The following OSMR variants were observed in gnomAD, a reference collection of about 807,000 sequenced individuals.
OSMR encodes oncostatin M receptor.
OSMR carries 81 observed loss-of-function variants against 99.9 expected under a neutral mutation model. The ratio of observed to expected loss-of-function variants is 0.81; its 90% CI spans 0.68 to 0.97. The LOEUF (loss-of-function observed/expected upper bound fraction) is 0.97, where lower values mean the gene tolerates loss of function less well. OSMR is among the 50% of genes least tolerant of loss of function. The pLI, the probability that OSMR is intolerant of heterozygous loss-of-function variation, is 0.00. For synonymous variants in OSMR, 406 were observed against 410.4 expected, an observed-to-expected ratio of 0.99 and a Z score of 0.13; for missense variants, 1,099 against 1,153.4, an observed-to-expected ratio of 0.95 and a Z score of 0.68.
chr5:38,863,337 G>A (rs1051684200), intron 1 of OSMR, among the ~76,000 whole-genome samples: 5 of 151,900 alleles, frequency 3.3e-5, no homozygotes, highest in African/African-American at 1.2e-4. Context: ...TCAAGAGATC[G>A]AGACCATGCT....
chr5:38,913,562 A>AT (rs1349415217), intron 9 of OSMR, among the ~76,000 whole-genome samples: 15 of 151,556 alleles, frequency 9.9e-5, no homozygotes, highest in Admixed American at 3.9e-4. Context: ...AAAAAAAAAA[A>AT]AAAATGGGTG....
intron 2 of OSMR, among the ~76,000 whole-genome samples, chr5:38,872,641 A>C (rs1412881342): frequency 7.6e-6 from 1 of 132,284 alleles, no homozygotes; most frequent in African/African-American, 2.5e-5. Flanking sequence ...AAACTAATAC[A>C]TGTTTCTGAA....
At chr5:38,918,035 A>G (rs563886216) in intron 10 of OSMR, among the ~76,000 whole-genome samples, 10 of 152,270 alleles carry the variant, frequency 6.6e-5, no homozygotes, top group African/African-American at 2.2e-4. Context: ...ATACACCTTC[A>G]TGACAACCTG....
chr5:38,859,969 G>A (rs1741148182), intron 1 of OSMR, among the ~76,000 whole-genome samples: 1 of 152,118 alleles, frequency 6.6e-6, no homozygotes, highest in Admixed American at 6.5e-5. Flanking sequence ...TCAGTTCTAA[G>A]AAGTTTTTGT....
chr5:38,922,349 G>A (rs1307295901), intron 12 of OSMR, among the ~76,000 whole-genome samples: 1 of 152,166 alleles, frequency 6.6e-6, no homozygotes, highest in Admixed American at 6.5e-5. Flanking sequence ...CCTGTTCAGA[G>A]GGTGATCAAG....
At position 38,904,350 on chromosome 5, in the gene OSMR, C is replaced by A. The variant is rs1315794035; in HGVS notation, c.1135-3C>A. 2 of 1,613,690 alleles carry A rather than the reference C, an allele frequency of 1.2e-6. No homozygotes were observed. The highest frequency in any genetic ancestry group is 2.2e-5 in the South Asian group (2 of 91,038). On this transcript the variant is annotated splice_polypyrimidine_tract_variant and splice_region_variant and intron_variant, in intron 8 of 17. Transcript: ENST00000274276. ...TCTTTTCTTCTCTTTTTTGATCAAGCAGTACAATGTTTCCATCAAGGTGAA... is the reference window on the plus strand; with the variant it reads ...TCTTTTCTTCTCTTTTTTGATCAAGAAGTACAATGTTTCCATCAAGGTGAA...
In OSMR at chr5:38,876,138, T is replaced by C. The variant is rs1742806496; in HGVS notation, c.74-63T>C. 6 of 1,586,458 alleles carry C rather than the reference T, an allele frequency of 3.8e-6. No individual in the cohort carries two copies. In the Admixed American group the frequency reaches 6.8e-5, roughly 18 times the overall value. On this transcript the variant is annotated intron_variant, in intron 2 of 17. Coordinates refer to ENST00000274276, the MANE Select transcript of OSMR (RefSeq NM_003999.3). Reference sequence around the variant, plus strand: ...TAATGATGATATTCAAGTTTAATTATTTCTGACTCTTCAATCATGCTCCTA... The same window carrying C: ...TAATGATGATATTCAAGTTTAATTACTTCTGACTCTTCAATCATGCTCCTA...
At chr5:38,852,444 C>T (rs1740452375) in intron 1 of OSMR, among the ~76,000 whole-genome samples, 1 of 152,154 alleles carries the variant, frequency 6.6e-6, no homozygotes, top group Non-Finnish European at 1.5e-5. Context: ...TTTCTGTAAA[C>T]TCTTACCAAT....
intron 3 of OSMR, 138 bp from the exon 4 acceptor site, chr5:38,881,455 T>C (rs1378368913): frequency 1.9e-6 from 3 of 1,559,096 alleles, no homozygotes; most frequent in African/African-American, 2.7e-5. Flanking sequence ...GGGAATTGAC[T>C]AGCAGAAGTG....
intron 1 of OSMR, among the ~76,000 whole-genome samples, chr5:38,852,516 T>TACACAC (rs936192423): frequency 6.6e-6 from 1 of 151,708 alleles, no homozygotes; most frequent in African/African-American, 2.4e-5. Flanking sequence ...TACACAGACA[T>TACACAC]ACACACACAC....
At chr5:38,921,964 C>T (rs1448721062) in intron 12 of OSMR, among the ~76,000 whole-genome samples, 170 bp downstream of exon 12, 2 of 152,186 alleles carry the variant, frequency 1.3e-5, no homozygotes, top group African/African-American at 4.8e-5. Context: ...TGTTCTAAAA[C>T]TTGACCTTTA....
intron 12 of OSMR, 21 bp from the exon 13 acceptor site, chr5:38,923,129 C>A (rs1483701786): frequency 6.2e-7 from 1 of 1,612,010 alleles, no homozygotes; most frequent in Admixed American, 1.7e-5. Context: ...TATTAAAAAT[C>A]TGTTGACTTT....
At chr5:38,921,883 C>G (rs1579797602) in intron 12 of OSMR, 89 bp downstream of exon 12, 1 of 1,098,130 alleles carries the variant, frequency 9.1e-7, no homozygotes, top group Non-Finnish European at 1.4e-6. Context: ...CAGACTTTGA[C>G]TGTGCTAAGC....
At position 38,935,619 on chromosome 5, in the gene OSMR, T is replaced by C. The variant is rs1746981583; in HGVS notation, c.*2175T>C. 1 of 152,234 alleles carries C rather than the reference T, an allele frequency of 6.6e-6. No individual in the cohort carries two copies. The highest frequency in any genetic ancestry group is 2.1e-4 in the South Asian group (1 of 4,832). The allele number at this position is 152,234 out of a possible 1,614,324, so 9.4% of individuals were successfully genotyped here. A position where few individuals can be genotyped will look rare whatever the true frequency, so the allele number is the denominator to read the frequency against. The stretch of plus-strand genomic sequence containing the variant: ...GTCATTTTTGCTATTGAAATAAACC[T>C]TAATTAAAATATTTCATCATCACAT... On this transcript the variant is annotated 3_prime_UTR_variant, in exon 18 of 18. Transcript: ENST00000274276.
At chr5:38,893,468 A>G (rs1481864052) in intron 7 of OSMR, among the ~76,000 whole-genome samples, 1 of 152,216 alleles carries the variant, frequency 6.6e-6, no homozygotes, top group Admixed American at 6.5e-5. Context: ...AAAAAAGAGA[A>G]ACATCTTGAA....
At chr5:38,882,074 A>C (rs1275892473) in intron 4 of OSMR, among the ~76,000 whole-genome samples, 1 of 152,244 alleles carries the variant, frequency 6.6e-6, no homozygotes, top group Non-Finnish European at 1.5e-5. Context: ...TAAATTGTAC[A>C]TATGTATTTA....
intron 7 of OSMR, among the ~76,000 whole-genome samples, chr5:38,901,694 G>A (rs1163537229): frequency 4.6e-5 from 7 of 152,184 alleles, no homozygotes; most frequent in South Asian, 2.1e-4. Flanking sequence ...TCCAATCAGC[G>A]TGCATGGAGG....
intron 2 of OSMR, among the ~76,000 whole-genome samples, chr5:38,873,702 C>T (rs1235231660): frequency 6.6e-6 from 1 of 152,154 alleles, no homozygotes; most frequent in Non-Finnish European, 1.5e-5. Context: ...AATGGTACCT[C>T]TTTGTGATTT....
In OSMR at chr5:38,934,734, ACCGCAGGTGATCCACCTG is replaced by A. The variant is rs1446949093; in HGVS notation, c.*1293_*1310del. On this transcript the variant is annotated 3_prime_UTR_variant, in exon 18 of 18. Coordinates refer to ENST00000274276, the MANE Select transcript of OSMR (RefSeq NM_003999.3). ...TGGCCAGGCTGGTCTCAAACTCCTG[ACCGCAGGTGATCCACCTG>A]CCTCAGCTTCCCCAAGGGCTGGGAT... The A allele has an allele frequency of 6.6e-6, 1 of 152,204 alleles. No homozygotes were observed. 9.4% of individuals were successfully genotyped at this position (152,204 alleles called of 1,614,324 possible). A position where few individuals can be genotyped will look rare whatever the true frequency, so the allele number is the denominator to read the frequency against.
Sources: allele counts gnomAD v4.1 joint callset (sites outside exome capture counted in the v4.1 genomes callset), GRCh38; gene constraint gnomAD v4.1.1; transcripts MANE v1.5; gene names NCBI Gene and HGNC (gene_info 2026-07-23, HGNC 2026-07-21).